HECW1: variants seen among roughly 807,000 people sequenced by gnomAD.
The protein encoded by HECW1 is HECT, C2 and WW domain containing E3 ubiquitin protein ligase 1.
HECW1 carries 61 observed loss-of-function variants against 182.3 expected under a neutral mutation model. The ratio of observed to expected loss-of-function variants is 0.33; its 90% confidence interval spans 0.27 to 0.41. The LOEUF (loss-of-function observed/expected upper bound fraction) is 0.41, where lower values mean the gene tolerates loss of function less well. Among genes scored for constraint, HECW1 ranks in the 10% least tolerant of loss-of-function variants. HECW1 has a pLI of 1.00. For synonymous variants in HECW1, 859 were observed against 832.6 expected (o/e 1.03, Z -0.55); for missense variants, 1,739 against 2,108.9 (o/e 0.82, Z 3.44).
In HECW1 at chr7:43,512,993, T is replaced by TA. The variant is rs570903325; in HGVS notation, c.4019+3878dup. Among the ~76,000 whole-genome samples the TA allele has an allele frequency of 2.2e-4, 34 of 152,260 alleles. 1 individual carries two copies. In the South Asian group the frequency reaches 6.6e-3, roughly 30 times the overall value. On this transcript the variant is annotated intron_variant, in intron 24 of 29. Transcript: ENST00000395891. ...TCTTACACATTTTCTGAGTTCCCTCTAAAAAATAAGCTCTATTGGAGCAGA... is the reference window on the plus strand; with the variant it reads ...TCTTACACATTTTCTGAGTTCCCTCTAAAAAAATAAGCTCTATTGGAGCAGA...
Position 43,311,801 on chromosome 7 carries a change from G to A in HECW1, c.66G>A (p.Met22Ile). 6.2e-7 allele frequency: 1 copy of A among 1,614,050 alleles called. No homozygotes were observed. The highest frequency in any genetic ancestry group is 8.5e-7 in the Non-Finnish European group (1 of 1,179,942). The change falls in exon 4 of 30, where the codon ATG becomes ATA. Residue 22 changes from methionine to isoleucine, a missense_variant. Transcript: ENST00000395891. ...YQNRFLGLAA[M>I]ASPSRNSQSR... is the part of the protein sequence containing the mutation. ...ACAGGTTTTTAGGCCTGGCCGCCATGGCGTCTCCTTCTAGAAACTCCCAGA... is the reference window on the plus strand; with the variant it reads ...ACAGGTTTTTAGGCCTGGCCGCCATAGCGTCTCCTTCTAGAAACTCCCAGA...
chr7:43,331,106 G>A (rs1307076498), intron 5 of HECW1, among the ~76,000 whole-genome samples: 7 of 151,938 alleles, frequency 4.6e-5, no homozygotes, highest in African/African-American at 1.7e-4. Context: ...GTTTACATTA[G>A]GTATATCTCC....
At chr7:43,117,676 GA>G (rs2152596202) in intron 2 of HECW1, among the ~76,000 whole-genome samples, 1 of 152,266 alleles carries the variant, frequency 6.6e-6, no homozygotes, top group Non-Finnish European at 1.5e-5. Context: ...AATATTTTAG[GA>G]AGCAAAGCAG....
chr7:43,534,153 G>C (rs559001400), intron 24 of HECW1, among the ~76,000 whole-genome samples: 1 of 152,128 alleles, frequency 6.6e-6, no homozygotes, highest in Non-Finnish European at 1.5e-5. Flanking sequence ...TAACTAGAAG[G>C]CTTTTAAAGT....
At chr7:43,371,323 A>G (rs1441278461) in intron 6 of HECW1, among the ~76,000 whole-genome samples, 1 of 152,192 alleles carries the variant, frequency 6.6e-6, no homozygotes, top group Non-Finnish European at 1.5e-5. Context: ...GTGCCAGGGT[A>G]GGCTCATCAA....
chr7:43,488,402 A>AAGGAAGGAAG (rs1563045413), intron 17 of HECW1, among the ~76,000 whole-genome samples: 1 of 102,666 alleles, frequency 9.7e-6, no homozygotes, highest in African/African-American at 4.1e-5. Context: ...AAGGAAGGAA[A>AAGGAAGGAAG]TGAAAGAAAG....
rs1054506357 is a variant in HECW1 at position 43,456,460 on chromosome 7, T to C, written c.2651+13T>C. The C allele has an allele frequency of 1.2e-6, 2 of 1,611,010 alleles. No individual in the cohort carries two copies. Among genetic ancestry groups the C allele is most frequent in the South Asian group, 2.2e-5 (2 of 90,700 alleles). On this transcript the variant is annotated intron_variant, in intron 13 of 29. Transcript: ENST00000395891. ...AACTCAACAGGCGGTTGGTGATCAGTATGCAATGAGCTCCCCTAAACCACA... is the reference window on the plus strand; with the variant it reads ...AACTCAACAGGCGGTTGGTGATCAGCATGCAATGAGCTCCCCTAAACCACA...
At chr7:43,276,631 C>T (rs1803195643) in intron 3 of HECW1, among the ~76,000 whole-genome samples, 1 of 152,074 alleles carries the variant, frequency 6.6e-6, no homozygotes, top group South Asian at 2.1e-4. Context: ...TTTGATGATA[C>T]TATTTATTTT....
At chr7:43,474,268 T>A (rs755967678) in intron 16 of HECW1, among the ~76,000 whole-genome samples, 4 of 151,986 alleles carry the variant, frequency 2.6e-5, no homozygotes, top group Non-Finnish European at 4.4e-5. Flanking sequence ...GCTAACATGG[T>A]GAAACCCCGT....
chr7:43,469,146 C>G, intron 16 of HECW1, 41 bp downstream of exon 16: 1 of 1,592,642 alleles, frequency 6.3e-7, no homozygotes, highest in Non-Finnish European at 8.6e-7. Context: ...CAAACAGGCT[C>G]CTTCCCCAGG....
At chr7:43,471,363 T>C (rs1416168556) in intron 16 of HECW1, among the ~76,000 whole-genome samples, 4 of 152,228 alleles carry the variant, frequency 2.6e-5, no homozygotes, top group African/African-American at 9.6e-5. Flanking sequence ...GCCACCTTCA[T>C]AGCTGGCCAG....
chr7:43,372,193 T>C (rs111885206), intron 6 of HECW1, among the ~76,000 whole-genome samples: 2 of 152,288 alleles, frequency 1.3e-5, no homozygotes, highest in Non-Finnish European at 2.9e-5. Flanking sequence ...TGATGTAGTT[T>C]TTAATTAATA....
intron 17 of HECW1, among the ~76,000 whole-genome samples, chr7:43,480,634 T>C (rs983883952): frequency 3.8e-4 from 57 of 151,540 alleles, no homozygotes; most frequent in African/African-American, 1.4e-3. Flanking sequence ...CGTGTGTGTG[T>C]GTGTACATAT....
chr7:43,546,192 T>C (rs891368556), intron 26 of HECW1, among the ~76,000 whole-genome samples: 1 of 151,160 alleles, frequency 6.6e-6, no homozygotes, highest in Non-Finnish European at 1.5e-5. Context: ...CTCCAAGATC[T>C]ATATCTTGAA....
intron 6 of HECW1, among the ~76,000 whole-genome samples, chr7:43,376,912 G>T (rs2074354126): frequency 6.6e-6 from 1 of 151,732 alleles, no homozygotes; most frequent in African/African-American, 2.4e-5. Context: ...TTTCAGATTT[G>T]TAACTTTCAA....
intron 17 of HECW1, among the ~76,000 whole-genome samples, chr7:43,491,316 C>T (rs1238408323): frequency 6.6e-6 from 1 of 152,116 alleles, no homozygotes; most frequent in Non-Finnish European, 1.5e-5. Flanking sequence ...GTTAATAATG[C>T]TTATCTTGCA....
At chr7:43,283,073 ATGTCACT>A (rs796815098) in intron 3 of HECW1, among the ~76,000 whole-genome samples, 5 of 151,918 alleles carry the variant, frequency 3.3e-5, no homozygotes, top group African/African-American at 1.2e-4. Flanking sequence ...AGCCGAGATC[ATGTCACT>A]TGTCACTGCA....
chr7:43,468,385 A>G (rs1169488122), intron 15 of HECW1, among the ~76,000 whole-genome samples: 3 of 152,204 alleles, frequency 2.0e-5, no homozygotes, highest in Non-Finnish European at 4.4e-5. Flanking sequence ...AAGGAGAGCC[A>G]GGCATGGCTG....
intron 2 of HECW1, among the ~76,000 whole-genome samples, chr7:43,184,129 T>A (rs560057019): frequency 6.6e-6 from 1 of 152,328 alleles, no homozygotes; most frequent in East Asian, 1.9e-4. Flanking sequence ...TTCTCCTGCC[T>A]CAGCCTCCTG....
Sources: allele counts gnomAD v4.1 joint callset (sites outside exome capture counted in the v4.1 genomes callset), GRCh38; gene constraint gnomAD v4.1.1; transcripts MANE v1.5; gene names NCBI Gene and HGNC (gene_info 2026-07-23, HGNC 2026-07-21).